SLC22A23: variants seen among roughly 807,000 people sequenced by gnomAD.
SLC22A23 encodes solute carrier family 22 member 23, also known as ion transporter protein.
SLC22A23 carries 26 observed loss-of-function variants against 61.0 expected under a neutral mutation model. The ratio of observed to expected loss-of-function variants is 0.43; its 90% CI spans 0.31 to 0.59. The LOEUF (loss-of-function observed/expected upper bound fraction) is 0.59. SLC22A23 is among the 20% of genes least tolerant of loss of function. The pLI, the probability that SLC22A23 is intolerant of heterozygous loss-of-function variation, is 0.11. For synonymous variants in SLC22A23, 430 were observed against 413.9 expected (o/e 1.04, Z -0.47); for missense variants, 796 against 934.7 (o/e 0.85, Z 1.94).
rs869114176 is a variant in SLC22A23, at chr6:3,299,998, C to CTTTTTTTTTTTTTT, written c.1083-1794_1083-1781dup. Among the ~76,000 whole-genome samples the CTTTTTTTTTTTTTT allele has an allele frequency of 3.9e-4, 31 of 78,798 alleles. 3 individuals are homozygous for CTTTTTTTTTTTTTT. The highest frequency in any genetic ancestry group is 1.1e-3 in the East Asian group (2 of 1,768). The allele number at this position is 78,798 out of a possible 152,430, so 51.7% of individuals were successfully genotyped here. A position where few individuals can be genotyped will look rare whatever the true frequency, so the allele number is the denominator to read the frequency against. On this transcript the variant is annotated intron_variant, in intron 4 of 9. Transcript: ENST00000406686. ...ACCTGCTTTGCAAGCTCAGGATAGA[C>CTTTTTTTTTTTTTT]TTTTTTTTTTTTTTTTTTTTTTTTT...
At chr6:3,310,308 C>T (rs1277440846) in intron 4 of SLC22A23, among the ~76,000 whole-genome samples, 1 of 129,226 alleles carries the variant, frequency 7.7e-6, no homozygotes, top group Admixed American at 7.4e-5. Flanking sequence ...CTGTCTCCCA[C>T]TCAAGCACCC....
intron 3 of SLC22A23, among the ~76,000 whole-genome samples, chr6:3,409,256 C>T (rs1769044988): frequency 6.6e-6 from 1 of 152,142 alleles, no homozygotes; most frequent in Admixed American, 6.5e-5. Context: ...AAGAATATAC[C>T]GGTAGCCTTT....
intron 9 of SLC22A23, 47 bp from the exon 10 acceptor site, chr6:3,273,459 C>T (rs1282282252): frequency 6.3e-7 from 1 of 1,597,288 alleles, no homozygotes; most frequent in Admixed American, 1.7e-5. Flanking sequence ...GGCTAGCGGG[C>T]TGGATCCCGG....
At chr6:3,331,166 T>C (rs9503542) in intron 3 of SLC22A23, among the ~76,000 whole-genome samples, 16,477 of 152,208 alleles carry the variant, frequency 0.11, 1,029 homozygotes, top group South Asian at 0.25. Flanking sequence ...AGTTAAGAAA[T>C]AAACAAGATG....
At chr6:3,392,251 C>T (rs1767712970) in intron 3 of SLC22A23, among the ~76,000 whole-genome samples, 1 of 152,150 alleles carries the variant, frequency 6.6e-6, no homozygotes, top group South Asian at 2.1e-4. Flanking sequence ...TCCTCTTTTC[C>T]ACTGCTCTGC....
Position 3,270,035 on chromosome 6 carries a change from T to C in SLC22A23, c.*3020A>G, listed in dbSNP as rs1190224858. Reference sequence around the variant, plus strand: ...CCTGTTTCTCTTGGGTGGTAATAATTTTAGGGCATTTGATAAGAGTTTGAC... The same window carrying C: ...CCTGTTTCTCTTGGGTGGTAATAATCTTAGGGCATTTGATAAGAGTTTGAC... On this transcript the variant is annotated 3_prime_UTR_variant, in exon 10 of 10. Coordinates refer to ENST00000406686, the MANE Select transcript of SLC22A23 (RefSeq NM_015482.2). 6.6e-6 allele frequency: 1 copy of C among 152,496 alleles called. No homozygotes were observed. The highest frequency in any genetic ancestry group is 1.5e-5 in the Non-Finnish European group (1 of 68,034). The allele number at this position is 152,496 out of a possible 1,614,324, so 9.4% of individuals were successfully genotyped here. A position where few individuals can be genotyped will look rare whatever the true frequency, so the allele number is the denominator to read the frequency against.
At chr6:3,446,632 A>G (rs1392806769) in intron 1 of SLC22A23, among the ~76,000 whole-genome samples, 1 of 152,068 alleles carries the variant, frequency 6.6e-6, no homozygotes, top group Non-Finnish European at 1.5e-5. Context: ...AGGACTTCCC[A>G]CTATTCATCC....
intron 3 of SLC22A23, among the ~76,000 whole-genome samples, chr6:3,406,873 A>G (rs1768875504): frequency 6.6e-6 from 1 of 152,220 alleles, no homozygotes; most frequent in South Asian, 2.1e-4. Flanking sequence ...GCAGAAAAAA[A>G]AAACCTTCAG....
At chr6:3,438,587 G>A (rs1323988831) in intron 1 of SLC22A23, 2 of 446,282 alleles carry the variant, frequency 4.5e-6, no homozygotes, top group Admixed American at 5.0e-5. Flanking sequence ...AATTAATTAT[G>A]GAAAAGGCTA....
chr6:3,457,032 C>G lies in SLC22A23; in HGVS notation c.-473G>C, dbSNP rs1343849012. 2 of 152,436 alleles carry G rather than the reference C, an allele frequency of 1.3e-5. No individual in the cohort carries two copies. The highest frequency in any genetic ancestry group is 2.9e-5 in the Non-Finnish European group (2 of 67,998). The allele number at this position is 152,436 out of a possible 1,614,324, so 9.4% of individuals were successfully genotyped here. A position where few individuals can be genotyped will look rare whatever the true frequency, so the allele number is the denominator to read the frequency against. On this transcript the variant is annotated 5_prime_UTR_variant, in exon 1 of 10. Coordinates refer to ENST00000406686, the MANE Select transcript of SLC22A23 (RefSeq NM_015482.2). Reference sequence around the variant, plus strand: ...GACTTCGGGCGCCTCCCGGAAGCCGCGAGCTCTGGACCCAGCCTGCCGAGC... The same window carrying G: ...GACTTCGGGCGCCTCCCGGAAGCCGGGAGCTCTGGACCCAGCCTGCCGAGC...
chr6:3,451,083 T>A (rs1429385723), intron 1 of SLC22A23, among the ~76,000 whole-genome samples: 1 of 151,798 alleles, frequency 6.6e-6, no homozygotes, highest in Non-Finnish European at 1.5e-5. Context: ...ACAGAAAAAA[T>A]TGGGGCAAGT....
intron 3 of SLC22A23, among the ~76,000 whole-genome samples, chr6:3,395,923 T>G (rs1462219368): frequency 2.0e-5 from 3 of 152,232 alleles, no homozygotes; most frequent in African/African-American, 7.2e-5. Context: ...GTTGTTAATA[T>G]TTTGGTTTTA....
At chr6:3,357,828 C>T (rs1482027448) in intron 3 of SLC22A23, among the ~76,000 whole-genome samples, 3 of 152,164 alleles carry the variant, frequency 2.0e-5, no homozygotes, top group South Asian at 2.1e-4. Context: ...TGAAGAGACA[C>T]GTGCCTATAA....
intron 1 of SLC22A23, among the ~76,000 whole-genome samples, chr6:3,448,945 A>T (rs1772045195): frequency 6.6e-6 from 1 of 152,216 alleles, no homozygotes; most frequent in African/African-American, 2.4e-5. Flanking sequence ...CAGAACAGGA[A>T]GATGAAGAAG....
chr6:3,304,690 G>C lies in SLC22A23; in HGVS notation c.1083-6472C>G, dbSNP rs575318977. 1.4e-3 allele frequency among the ~76,000 whole-genome samples: 215 copies of C among 152,236 alleles called. 1 individual carries two copies. The highest frequency in any genetic ancestry group is 4.6e-3 in the African/African-American group (193 of 41,554). ...CAGGGGCTGGTCAGGGGAGGCTCTG[G>C]AGAGGCCGGGCTCTGCTTGGACCGT... On this transcript the variant is annotated intron_variant, in intron 4 of 9. Transcript: ENST00000406686. The surrounding 1 kb of genome is among the most constrained non-coding windows in gnomAD (Gnocchi z 4.3).
intron 9 of SLC22A23, among the ~76,000 whole-genome samples, chr6:3,278,964 G>C (rs1174442678): frequency 6.6e-6 from 1 of 152,150 alleles, no homozygotes; most frequent in African/African-American, 2.4e-5. Flanking sequence ...GGAGGGGTGG[G>C]CAGAGGGCCA....
At chr6:3,323,181 T>G (rs2127398709) in intron 4 of SLC22A23, 2 of 452,360 alleles carry the variant, frequency 4.4e-6, no homozygotes, top group Admixed American at 4.8e-5. Context: ...AAAAGGCATA[T>G]TAGACTGATA....
chr6:3,406,340 A>G (rs1468889008), intron 3 of SLC22A23, among the ~76,000 whole-genome samples: 1 of 152,222 alleles, frequency 6.6e-6, no homozygotes, highest in Non-Finnish European at 1.5e-5. Flanking sequence ...CTTGTCTGTG[A>G]TATTATGGAT....
chr6:3,314,827 G>A (rs115697882), intron 4 of SLC22A23, among the ~76,000 whole-genome samples: 2,885 of 152,008 alleles, frequency 0.019, 101 homozygotes, highest in African/African-American at 0.066. Flanking sequence ...TGTCCTTTAC[G>A]GCAGCACAAT....
Sources: gnomAD v4.1 joint callset for allele counts (sites outside exome capture counted in the v4.1 genomes callset) on GRCh38, gnomAD v4.1.1 for gene constraint, Gnocchi (gnomAD v3.1) non-coding constraint, MANE v1.5 for transcripts, NCBI Gene and HGNC (gene_info 2026-07-23, HGNC 2026-07-21) for gene names.